Variants in DDB1 observed in about 807,000 individuals in gnomAD.
DDB1 encodes the protein DNA damage-binding protein 1.
Under a neutral mutation model 133.1 loss-of-function variants are expected in DDB1, and 18 were observed. That is an observed-to-expected ratio of 0.14 (90% confidence interval 0.09 to 0.20). DDB1 has a LOEUF of 0.20. DDB1 is among the 10% of genes least tolerant of loss of function. The pLI, the probability that DDB1 is intolerant of heterozygous loss-of-function variation, is 1.00. For missense variants in DDB1, 828 were observed against 1,459.2 expected, an observed-to-expected ratio of 0.57 and a Z score of 7.05; for synonymous variants, 580 against 550.5, an observed-to-expected ratio of 1.05 and a Z score of -0.75.
intron 21 of DDB1, among the ~76,000 whole-genome samples, chr11:61,307,078 C>T (rs369760258): frequency 3.3e-5 from 5 of 152,220 alleles, no homozygotes; most frequent in Admixed American, 2.0e-4. Context: ...CTCTGTCACT[C>T]GGTTTGAGAT....
intron 12 of DDB1, chr11:61,315,992 A>C (rs1011589140): frequency 1.2e-5 from 3 of 256,766 alleles, no homozygotes; most frequent in Non-Finnish European, 2.2e-5. Context: ...TTAGTGCTAA[A>C]ATAGGATCCG....
Position 61,303,970 on chromosome 11 carries a change from G to A in DDB1, c.2727C>T (p.Ile909=). The A allele has an allele frequency of 6.2e-7, 1 of 1,614,088 alleles. No individual in the cohort carries two copies. The highest frequency in any genetic ancestry group is 8.5e-7 in the Non-Finnish European group (1 of 1,180,042). Reference sequence around the variant, plus strand: ...CCTTGGTCTTCAGGTAGAGGGCCATGATGTTGTTGTAGTGGTTGCACTCAG... The same window carrying A: ...CCTTGGTCTTCAGGTAGAGGGCCATAATGTTGTTGTAGTGGTTGCACTCAG... The part of the protein sequence containing the change: ...LRTECNHYNN[I]MALYLKTKGD... Residue 909 remains isoleucine, a synonymous_variant, in exon 22 of 27, where the codon ATC becomes ATT. Transcript: ENST00000301764.
At chr11:61,332,562 T>G in intron 1 of DDB1, 3 of 230,464 alleles carry the variant, frequency 1.3e-5, no homozygotes, top group South Asian at 1.7e-4. Flanking sequence ...AAAGTCGTCA[T>G]TACCACCTCC....
At chr11:61,318,095 T>C (rs936239105) in intron 10 of DDB1, among the ~76,000 whole-genome samples, 3 of 152,224 alleles carry the variant, frequency 2.0e-5, no homozygotes, top group African/African-American at 4.8e-5. Flanking sequence ...AAATATAAAA[T>C]AGTCTATCAT....
intron 21 of DDB1, 66 bp from the exon 22 acceptor site, chr11:61,304,101 T>C: frequency 6.4e-7 from 1 of 1,573,294 alleles, no homozygotes; most frequent in South Asian, 1.1e-5. Context: ...TCCCCCCAAC[T>C]CTTCGACCCT....
chr11:61,324,309 G>A (rs1207028047), intron 6 of DDB1, 172 bp from the exon 7 acceptor site: 2 of 633,384 alleles, frequency 3.2e-6, no homozygotes, highest in Non-Finnish European at 5.4e-6. Context: ...ATAGAAAATG[G>A]GGAGCTTTTT....
chr11:61,321,475 G>T, intron 10 of DDB1, 120 bp downstream of exon 10: 2 of 707,488 alleles, frequency 2.8e-6, no homozygotes, highest in South Asian at 1.8e-5. Context: ...CTGTTGTTAC[G>T]ACTTTCACTC....
rs1855931693 is a variant in DDB1, at chr11:61,309,708, T to C, written c.2566+88A>G. On this transcript the variant is annotated intron_variant, in intron 20 of 26. Coordinates refer to ENST00000301764, the MANE Select transcript of DDB1 (RefSeq NM_001923.5). ...AATGAACCCAACTTCTTCTACTGCTTAACTGAGGCTCTCTGAAACCTCACA... is the reference window on the plus strand; with the variant it reads ...AATGAACCCAACTTCTTCTACTGCTCAACTGAGGCTCTCTGAAACCTCACA... 15 of 1,424,962 alleles carry C rather than the reference T, an allele frequency of 1.1e-5. No homozygotes were observed. In the South Asian group the frequency reaches 1.7e-4, roughly 16 times the overall value. The allele number at this position is 1,424,962 out of a possible 1,614,324, so 88.3% of individuals were successfully genotyped here.
chr11:61,303,828 A>C (rs1216557929), intron 22 of DDB1, 37 bp downstream of exon 22: 2 of 1,609,614 alleles, frequency 1.2e-6, no homozygotes, highest in South Asian at 2.2e-5. Flanking sequence ...CGGTGGCTCA[A>C]GCAAGAAGTC....
chr11:61,330,241 G>C (rs1214297960), intron 2 of DDB1, 167 bp from the exon 3 acceptor site: 3 of 478,524 alleles, frequency 6.3e-6, no homozygotes, highest in African/African-American at 5.9e-5. Context: ...TACACCCTAA[G>C]GGCATGTACA....
intron 7 of DDB1, 113 bp from the exon 8 acceptor site, chr11:61,323,207 A>C (rs1265326015): frequency 1.2e-6 from 1 of 829,096 alleles, no homozygotes; most frequent in South Asian, 1.5e-5. Context: ...GCCATAATTC[A>C]GAACAGTTCT....
In DDB1 at chr11:61,316,577, G is replaced by A; in HGVS notation, c.1226-10C>T. 1.2e-6 allele frequency: 2 copies of A among 1,613,884 alleles called. No homozygotes were observed. Among genetic ancestry groups the A allele is most frequent in the African/African-American group, 1.3e-5 (1 of 75,000 alleles). On this transcript the variant is annotated splice_polypyrimidine_tract_variant and intron_variant, in intron 10 of 26. Transcript: ENST00000301764. ...CGCAGTGGCCATAATCCTGGAACAAGGACCAAGGATTCAGATGCATAGGAC... is the reference window on the plus strand; with the variant it reads ...CGCAGTGGCCATAATCCTGGAACAAAGACCAAGGATTCAGATGCATAGGAC...
In DDB1 at chr11:61,300,079, G is replaced by T. The variant is rs911280777; in HGVS notation, c.*57C>A. 6 of 1,560,726 alleles carry T rather than the reference G, an allele frequency of 3.8e-6. No homozygotes were observed. Among genetic ancestry groups the T allele is most frequent in the Non-Finnish European group, 5.3e-6 (6 of 1,132,998 alleles). ...AGAAGACGATGGTGGAGAGGAGGGG[G>T]AGGGCAGCAGGGCAAAGCCTTTGGG... is the stretch of plus-strand genomic sequence containing the variant. On this transcript the variant is annotated 3_prime_UTR_variant, in exon 27 of 27. Coordinates refer to ENST00000301764, the MANE Select transcript of DDB1 (RefSeq NM_001923.5).
At chr11:61,325,987 T>G in intron 5 of DDB1, 1 of 502,482 alleles carries the variant, frequency 2.0e-6, no homozygotes, top group Non-Finnish European at 3.6e-6. Flanking sequence ...CCATGCATTC[T>G]CCCCCATTTT....
Position 61,311,787 on chromosome 11 carries a change from G to C in DDB1, c.2274C>G (p.Thr758=), listed in dbSNP as rs766864507. ...TTTCTTTGTCCACTGCCCTTACCTG[G>C]GTGCTAGCGCTGGGCCTCAAGGCTG... ...GTTALRPSAS[T]QALSSSVSSS... Residue 758 remains threonine (T), a synonymous_variant, in exon 18 of 27, where the codon ACC becomes ACG. Coordinates refer to ENST00000301764, the MANE Select transcript of DDB1 (RefSeq NM_001923.5). 6.2e-7 allele frequency: 1 copy of C among 1,611,818 alleles called. No homozygotes were observed. Among genetic ancestry groups the C allele is most frequent in the Non-Finnish European group, 8.5e-7 (1 of 1,179,318 alleles).
chr11:61,323,363 T>G, intron 7 of DDB1: 1 of 422,240 alleles, frequency 2.4e-6, no homozygotes, highest in Non-Finnish European at 4.3e-6. Flanking sequence ...AGTATTAATA[T>G]TAAACTTTTT....
Position 61,329,403 on chromosome 11 carries a change from A to T in DDB1, c.509T>A (p.Leu170Gln). 6.2e-7 allele frequency: 1 copy of T among 1,614,204 alleles called. No individual in the cohort carries two copies. Among genetic ancestry groups the T allele is most frequent in the Non-Finnish European group, 8.5e-7 (1 of 1,180,034 alleles). ...AATAGTAGGTGCTTGGCAACCATAT[A>T]GGAACTTGACATCAATGACATGCAG... is the stretch of plus-strand genomic sequence containing the variant. ...EELHVIDVKF[L>Q]YGCQAPTICF... Residue 170 changes from leucine (L) to glutamine (Q), a missense_variant, in exon 4 of 27, where the codon CTA becomes CAA. Physicochemically the swap from Leu to Gln is moderately radical, Grantham distance 113. This residue lies in a region of DDB1 where 210 missense variants were observed against 344.8 expected (regional missense o/e 0.61). Transcript: ENST00000301764.
intron 17 of DDB1, 24 bp downstream of exon 17, chr11:61,311,965 C>T (rs936391477): frequency 2.5e-6 from 4 of 1,613,976 alleles, no homozygotes; most frequent in Non-Finnish European, 3.4e-6. Flanking sequence ...CCCCCACTTC[C>T]CACTCTCCCA....
intron 4 of DDB1, chr11:61,327,564 A>T (rs1317670887): frequency 4.6e-5 from 7 of 152,336 alleles, no homozygotes; most frequent in Non-Finnish European, 7.3e-5. Flanking sequence ...GATTTTTTTT[A>T]AATTGATACA....
Sources: allele counts gnomAD v4.1 joint callset (sites outside exome capture counted in the v4.1 genomes callset), GRCh38; gene constraint gnomAD v4.1.1; regional missense constraint gnomAD v4.1.1; transcripts MANE v1.5; gene names NCBI Gene and HGNC (gene_info 2026-07-23, HGNC 2026-07-21).